The following AFG2A variants were observed in gnomAD, a reference collection of about 807,000 sequenced individuals.
AFG2A encodes ATPase family gene 2 protein homolog A.
At chr4:123,099,382 T>C in the AFG2A span, among the ~76,000 whole-genome samples, 1 of 151,944 alleles carries the variant, frequency 6.6e-6, no homozygotes, top group Admixed American at 6.6e-5. Context: ...CTATTTTTTC[T>C]TTTGTTGTCT....
chr4:123,051,469 G>A, the AFG2A span, among the ~76,000 whole-genome samples: 2 of 151,770 alleles, frequency 1.3e-5, no homozygotes, highest in African/African-American at 4.8e-5. Flanking sequence ...AATTGTACTT[G>A]TAATTATTTT....
At chr4:123,081,141 T>G in the AFG2A span, among the ~76,000 whole-genome samples, 1 of 152,226 alleles carries the variant, frequency 6.6e-6, no homozygotes, top group Non-Finnish European at 1.5e-5. Context: ...ACATTAGGGT[T>G]AACTCTTGGT....
the AFG2A span, among the ~76,000 whole-genome samples, chr4:123,217,975 T>C: frequency 1.3e-5 from 2 of 152,190 alleles, no homozygotes; most frequent in African/African-American, 4.8e-5. Context: ...CTTCCCAGGA[T>C]AGTAAAATTT....
the AFG2A span, among the ~76,000 whole-genome samples, chr4:123,142,937 T>C: frequency 3.9e-5 from 6 of 152,024 alleles, no homozygotes; most frequent in Non-Finnish European, 8.8e-5. Flanking sequence ...GCATTCTAAG[T>C]TGGAAAATTC....
chr4:122,929,182 TG>T, the AFG2A span: 2 of 1,596,866 alleles, frequency 1.3e-6, no homozygotes, highest in African/African-American at 1.4e-5. Flanking sequence ...GCTGAGGAAA[TG>T]GATGTGGCAC....
chr4:123,218,640 TATACATA>T, the AFG2A span, among the ~76,000 whole-genome samples: 1 of 147,704 alleles, frequency 6.8e-6, no homozygotes, highest in East Asian at 2.0e-4. Flanking sequence ...CATAAACACA[TATACATA>T]CATACATACA....
chr4:123,099,222 G>A, the AFG2A span, among the ~76,000 whole-genome samples: 1 of 151,834 alleles, frequency 6.6e-6, no homozygotes, highest in Admixed American at 6.6e-5. Context: ...TTGCTGTTGA[G>A]TTCCTTATAA....
the AFG2A span, among the ~76,000 whole-genome samples, chr4:123,088,798 G>A: frequency 6.6e-6 from 1 of 152,052 alleles, no homozygotes. Context: ...GTTTCCTGAG[G>A]TCTCCCGGTC....
the AFG2A span, among the ~76,000 whole-genome samples, chr4:123,251,289 G>A: frequency 6.6e-6 from 1 of 152,128 alleles, no homozygotes; most frequent in East Asian, 1.9e-4. Flanking sequence ...CTCCAAGGCT[G>A]TATCCCCAGC....
At chr4:123,251,969 GTA>G in the AFG2A span, among the ~76,000 whole-genome samples, 1 of 152,030 alleles carries the variant, frequency 6.6e-6, no homozygotes, top group African/African-American at 2.4e-5. Flanking sequence ...TATACAAAAA[GTA>G]TACAACAGCA....
the AFG2A span, among the ~76,000 whole-genome samples, chr4:123,037,237 G>C: frequency 2.0e-5 from 3 of 151,988 alleles, no homozygotes; most frequent in African/African-American, 7.2e-5. Context: ...GTTTGTGACT[G>C]ATATGATGTA....
the AFG2A span, among the ~76,000 whole-genome samples, chr4:122,975,364 G>A: frequency 6.6e-6 from 1 of 152,176 alleles, no homozygotes; most frequent in East Asian, 1.9e-4. Flanking sequence ...CCTCCCATCA[G>A]TGTGTCATTA....
chr4:123,163,000 A>G, the AFG2A span, among the ~76,000 whole-genome samples: 1 of 152,354 alleles, frequency 6.6e-6, no homozygotes, highest in African/African-American at 2.4e-5. Context: ...AGCATGCTAC[A>G]TAGATGCAAA....
the AFG2A span, among the ~76,000 whole-genome samples, chr4:123,098,523 C>T: frequency 1.3e-5 from 2 of 151,946 alleles, no homozygotes; most frequent in South Asian, 2.1e-4. Flanking sequence ...TTCCCAACTC[C>T]CTTAGACCTC....
chr4:123,120,248 C>A, the AFG2A span, among the ~76,000 whole-genome samples: 1 of 151,978 alleles, frequency 6.6e-6, no homozygotes, highest in African/African-American at 2.4e-5. Context: ...TGAGTTTCTC[C>A]GGTGAATCAT....
At chr4:123,199,660 C>T in the AFG2A span, among the ~76,000 whole-genome samples, 13 of 151,766 alleles carry the variant, frequency 8.6e-5, no homozygotes, top group Non-Finnish European at 1.0e-4. Context: ...TTAGTAGAGA[C>T]GGGGTTTCGC....
the AFG2A span, among the ~76,000 whole-genome samples, chr4:123,262,458 T>C: frequency 2.6e-5 from 4 of 152,202 alleles, no homozygotes; most frequent in African/African-American, 9.6e-5. Context: ...GTCTCTCAGT[T>C]CCACTTGAAG....
chr4:123,038,094 T>C, the AFG2A span, among the ~76,000 whole-genome samples: 1 of 152,114 alleles, frequency 6.6e-6, no homozygotes, highest in South Asian at 2.1e-4. Flanking sequence ...ATATCTTTTG[T>C]GCCAATGGTG....
At chr4:123,020,807 A>G in the AFG2A span, among the ~76,000 whole-genome samples, 1 of 152,192 alleles carries the variant, frequency 6.6e-6, no homozygotes, top group Non-Finnish European at 1.5e-5. Flanking sequence ...TCTGTCATAC[A>G]GAGTGTTGTG....
Sources: gnomAD v4.1 joint callset for allele counts (sites outside exome capture counted in the v4.1 genomes callset) on GRCh38, gnomAD v4.1.1 for gene constraint, MANE v1.5 for transcripts, NCBI Gene and HGNC (gene_info 2026-07-23, HGNC 2026-07-21) for gene names.